The following DAB1 variants were observed in gnomAD, a reference collection of about 807,000 sequenced individuals.
DAB1 encodes the protein disabled homolog 1.
DAB1 carries 15 observed loss-of-function variants against 64.6 expected under a neutral mutation model. The observed-to-expected ratio is 0.23, with a 90% CI of 0.16 to 0.36. The LOEUF is 0.36. Ranked by LOEUF, DAB1 falls within the 10% of genes least tolerant of loss-of-function variation. The pLI is 1.00. For synonymous variants in DAB1, 235 were observed against 251.9 expected (o/e 0.93, Z 0.64); for missense variants, 596 against 706.7 (o/e 0.84, Z 1.78).
chr1:57,590,317 T>G (rs999641877), intron 7 of DAB1, among the ~76,000 whole-genome samples: 5 of 151,762 alleles, frequency 3.3e-5, no homozygotes, highest in Non-Finnish European at 7.4e-5. Context: ...TTCTTTTATT[T>G]ATTTATTTAT....
At chr1:58,289,730 T>C (rs765870176) in intron 4 of DAB1, among the ~76,000 whole-genome samples, 1 of 152,184 alleles carries the variant, frequency 6.6e-6, no homozygotes, top group Non-Finnish European at 1.5e-5. Context: ...GACTTTGTAG[T>C]TAATTCATGG....
chr1:57,488,397 G>A (rs757959664), intron 7 of DAB1, among the ~76,000 whole-genome samples: 223 of 101,100 alleles, frequency 2.2e-3, no homozygotes, highest in Non-Finnish European at 2.9e-3. Context: ...GCCAGATTCC[G>A]TCTCAAAAAA....
At chr1:57,142,725 A>T (rs1339580014) in intron 3 of DAB1, among the ~76,000 whole-genome samples, 1 of 152,112 alleles carries the variant, frequency 6.6e-6, no homozygotes, top group East Asian at 1.9e-4. Flanking sequence ...TTCAGGGAGC[A>T]GAGGCCAAAT....
At chr1:57,494,108 T>C (rs1644199995) in intron 7 of DAB1, among the ~76,000 whole-genome samples, 1 of 152,216 alleles carries the variant, frequency 6.6e-6, no homozygotes, top group South Asian at 2.1e-4. Context: ...ATTTCAGTTA[T>C]TCTCTAGAAC....
intron 7 of DAB1, among the ~76,000 whole-genome samples, chr1:57,597,774 T>C (rs907466780): frequency 6.6e-6 from 1 of 152,156 alleles, no homozygotes; most frequent in Non-Finnish European, 1.5e-5. Context: ...CCCATAACCA[T>C]AGAGTAAGTA....
At chr1:58,107,198 C>A (rs576371050) in intron 5 of DAB1, among the ~76,000 whole-genome samples, 7 of 151,042 alleles carry the variant, frequency 4.6e-5, no homozygotes, top group Non-Finnish European at 1.0e-4. Context: ...CAGTGGCTCA[C>A]GTCTGTTATC....
intron 7 of DAB1, among the ~76,000 whole-genome samples, chr1:57,527,532 C>T (rs1239949517): frequency 6.6e-6 from 1 of 152,104 alleles, no homozygotes; most frequent in Non-Finnish European, 1.5e-5. Flanking sequence ...AAATCAAGGT[C>T]ATTAGGTTAA....
chr1:58,319,521 C>T (rs1662636083), intron 4 of DAB1, among the ~76,000 whole-genome samples: 1 of 152,224 alleles, frequency 6.6e-6, no homozygotes, highest in South Asian at 2.1e-4. Flanking sequence ...CTCTTCTCCA[C>T]TCCTCTCTGA....
chr1:57,955,770 T>A (rs1162741791), intron 5 of DAB1, among the ~76,000 whole-genome samples: 1 of 151,870 alleles, frequency 6.6e-6, no homozygotes, highest in Non-Finnish European at 1.5e-5. Context: ...TTTAAGGTAT[T>A]GGATTAACCA....
chr1:57,513,791 A>G (rs1644432300), intron 7 of DAB1, among the ~76,000 whole-genome samples: 1 of 151,938 alleles, frequency 6.6e-6, no homozygotes, highest in Non-Finnish European at 1.5e-5. Flanking sequence ...TGAATTTATT[A>G]CTCCTGTTTT....
intron 14 of DAB1, among the ~76,000 whole-genome samples, chr1:57,008,286 C>T (rs1044724481): frequency 3.3e-5 from 5 of 152,136 alleles, no homozygotes; most frequent in Non-Finnish European, 5.9e-5. Flanking sequence ...TGTTGTGACA[C>T]ATATTGAAAA....
At chr1:58,162,081 G>A (rs35318325) in intron 4 of DAB1, among the ~76,000 whole-genome samples, 7 of 152,072 alleles carry the variant, frequency 4.6e-5, no homozygotes, top group Admixed American at 1.3e-4. Flanking sequence ...AACAATGTTC[G>A]GTGATAGATA....
intron 4 of DAB1, among the ~76,000 whole-genome samples, chr1:58,216,557 G>A (rs1282620864): frequency 6.6e-6 from 1 of 152,178 alleles, no homozygotes; most frequent in African/African-American, 2.4e-5. Flanking sequence ...TATTGGGATT[G>A]TTGGGTCAAA....
chr1:57,589,442 A>G (rs1432256055), intron 7 of DAB1, among the ~76,000 whole-genome samples: 1 of 152,056 alleles, frequency 6.6e-6, no homozygotes, highest in Non-Finnish European at 1.5e-5. Flanking sequence ...GCTTCTACCA[A>G]TAAAGAAAAA....
At chr1:57,617,241 A>G (rs574498550) in intron 7 of DAB1, among the ~76,000 whole-genome samples, 1 of 152,172 alleles carries the variant, frequency 6.6e-6, no homozygotes, top group South Asian at 2.1e-4. Context: ...GGGGGTATGA[A>G]CCATTCCCAT....
At chr1:57,884,141 T>C (rs1179813449), upstream of DAB1, 2 of 152,298 alleles carry the variant, frequency 1.3e-5, no homozygotes, top group African/African-American at 2.4e-5. Context: ...GGAATCGTCA[T>C]GGAGAGAAGC....
chr1:57,238,840 C>T (rs1366320353), intron 2 of DAB1, among the ~76,000 whole-genome samples: 11 of 100,006 alleles, frequency 1.1e-4, no homozygotes, highest in South Asian at 3.2e-4. Flanking sequence ...TGTGCACATG[C>T]GCACACACAC....
intron 3 of DAB1, among the ~76,000 whole-genome samples, chr1:58,350,883 G>C (rs923364421): frequency 6.6e-6 from 1 of 152,132 alleles, no homozygotes; most frequent in African/African-American, 2.4e-5. Context: ...TTTGAAGTTA[G>C]GTAGCATGAT....
intron 1 of DAB1, among the ~76,000 whole-genome samples, chr1:57,361,565 C>T (rs151222471): frequency 5.9e-5 from 9 of 151,988 alleles, no homozygotes; most frequent in Non-Finnish European, 1.3e-4. Flanking sequence ...GCTCCATTGT[C>T]GGGTTTGCCA....
Sources: gnomAD v4.1 joint callset for allele counts (sites outside exome capture counted in the v4.1 genomes callset) on GRCh38, gnomAD v4.1.1 for gene constraint, MANE v1.5 for transcripts, NCBI Gene and HGNC (gene_info 2026-07-23, HGNC 2026-07-21) for gene names.